Variants in RGCC observed in about 807,000 individuals in gnomAD.
RGCC encodes regulator of cell cycle.
A neutral mutation model predicts 15.4 loss-of-function variants in RGCC; 15 were observed. The observed-to-expected ratio is 0.97, with a 90% CI of 0.65 to 1.50. The LOEUF is 1.50. Ranked by LOEUF, RGCC falls within the 40% of genes most tolerant of loss-of-function variation. The probability of loss-of-function intolerance (pLI) is 0.00; values close to 1 mark genes in which losing one functional copy is unlikely to be tolerated. For synonymous variants in RGCC, 81 were observed against 78.0 expected (o/e 1.04, Z -0.20); for missense variants, 176 against 189.7 (o/e 0.93, Z 0.42).
Position 41,458,111 on chromosome 13 carries a change from C to T in RGCC, c.50-174C>T, listed in dbSNP as rs1387408114. ...GTAAAACGGACTTGGTAATAGAACG[C>T]ACTTCGGGGGTGGTGGAGAAGATTA... On this transcript the variant is annotated intron_variant, in intron 1 of 4. Coordinates refer to ENST00000379359, the MANE Select transcript of RGCC (RefSeq NM_014059.3). This position sits in a 1 kb window ranked among gnomAD's most constrained non-coding sequence, Gnocchi z 4.4. Among the ~76,000 whole-genome samples, 1 of 152,238 alleles carries T rather than the reference C, an allele frequency of 6.6e-6. No individual in the cohort carries two copies. The highest frequency in any genetic ancestry group is 1.5e-5 in the Non-Finnish European group (1 of 68,044).
chr13:41,466,975 T>C (rs1398844756), intron 3 of RGCC, 45 bp downstream of exon 3: 1 of 1,182,414 alleles, frequency 8.5e-7, no homozygotes, highest in Non-Finnish European at 1.3e-6. Flanking sequence ...TTTTTATTCC[T>C]CTCTCCTTCT....
At position 41,457,955 on chromosome 13, in the gene RGCC, C is replaced by A. The variant is rs888336191; in HGVS notation, c.49+199C>A. Among the ~76,000 whole-genome samples, 2 of 151,700 alleles carry A rather than the reference C, an allele frequency of 1.3e-5. No homozygotes were observed. Among genetic ancestry groups the A allele is most frequent in the African/African-American group, 4.8e-5 (2 of 41,334 alleles). ...CCCCCATGTCCCACCTTCCCTCCAC[C>A]ACCAGCTCCGCGCGCGCCCGGGGTT... On this transcript the variant is annotated intron_variant, in intron 1 of 4. Coordinates refer to ENST00000379359, the MANE Select transcript of RGCC (RefSeq NM_014059.3). The surrounding 1 kb of genome is among the most constrained non-coding windows in gnomAD (Gnocchi z 4.9).
Position 41,458,471 on chromosome 13 carries a change from G to GT in RGCC, c.235+2dup. 1 of 1,594,478 alleles carries GT rather than the reference G, an allele frequency of 6.3e-7. No homozygotes were observed. The highest frequency in any genetic ancestry group is 8.5e-7 in the Non-Finnish European group (1 of 1,175,770). ...AGCAGCGGCTTCAGCGACTCGGAGA[G>GT]TAAGTGCGGCCCCCGCTAGGATGGC... On this transcript the variant is annotated splice_donor_variant, in intron 2 of 4. Coordinates refer to ENST00000379359, the MANE Select transcript of RGCC (RefSeq NM_014059.3). LOFTEE classifies it high-confidence loss of function. The surrounding 1 kb of genome is among the most constrained non-coding windows in gnomAD (Gnocchi z 4.4).
intron 3 of RGCC, among the ~76,000 whole-genome samples, chr13:41,467,835 T>C (rs963597785): frequency 2.0e-5 from 3 of 152,108 alleles, no homozygotes; most frequent in African/African-American, 7.2e-5. Flanking sequence ...GTCTAAAAAG[T>C]GGCTTAAAAC....
Position 41,457,732 on chromosome 13 carries a change from A to G in RGCC, c.25A>G (p.Ser9Gly). 1 of 1,416,210 alleles carries G rather than the reference A, an allele frequency of 7.1e-7. No homozygotes were observed. The highest frequency in any genetic ancestry group is 9.2e-7 in the Non-Finnish European group (1 of 1,090,230). The allele number at this position is 1,416,210 out of a possible 1,614,324, so 87.7% of individuals were successfully genotyped here. ...CATGAAGCCGCCCGCGGCGCAGGGC[A>G]GCCCCGCGGCCGCCGCGGCCGCAGG... MKPPAAQG[S>G]PAAAAAAAPA... The change falls in exon 1 of 5, where the codon AGC becomes GGC. Residue 9 changes from serine (S) to glycine (G), a missense_variant. Transcript: ENST00000379359. This position sits in a 1 kb window ranked among gnomAD's most constrained non-coding sequence, Gnocchi z 4.9.
In RGCC at chr13:41,458,328, G is replaced by A; in HGVS notation, c.93G>A (p.Ala31=). The change falls in exon 2 of 5, where the codon GCG becomes GCA. Residue 31 remains alanine (A), a synonymous_variant. Transcript: ENST00000379359. This position sits in a 1 kb window ranked among gnomAD's most constrained non-coding sequence, Gnocchi z 4.4. The stretch of plus-strand genomic sequence containing the variant: ...CGGCCGCGGAGGACCTGTCGGACGC[G>A]CTGTGCGAGTTTGACGCGGTGCTGG... ...DSAAAEDLSD[A]LCEFDAVLAD... The A allele has an allele frequency of 6.3e-7, 1 of 1,586,748 alleles. No homozygotes were observed.
Position 41,470,734 on chromosome 13 carries a change from T to A in RGCC, c.*249T>A, listed in dbSNP as rs2043871994. 7.3e-6 allele frequency: 3 copies of A among 408,768 alleles called. No individual in the cohort carries two copies. The Admixed American group carries it at 1.3e-4, about 18-fold the overall frequency. The allele number at this position is 408,768 out of a possible 1,614,324, so 25.3% of individuals were successfully genotyped here. On this transcript the variant is annotated 3_prime_UTR_variant, in exon 5 of 5. Transcript: ENST00000379359. ...ACAGACGATCCATGCTAATATTGTA[T>A]TTTCTCTTAAAACATAGCTTTCCTG...
chr13:41,458,474 AGTGC>A lies in RGCC; in HGVS notation c.235+6_235+9del. The A allele has an allele frequency of 1.3e-6, 2 of 1,593,630 alleles. No individual in the cohort carries two copies. Among genetic ancestry groups the A allele is most frequent in the Non-Finnish European group, 1.7e-6 (2 of 1,175,354 alleles). On this transcript the variant is annotated splice_donor_5th_base_variant and intron_variant, in intron 2 of 4. Transcript: ENST00000379359. This position sits in a 1 kb window ranked among gnomAD's most constrained non-coding sequence, Gnocchi z 4.4. The stretch of plus-strand genomic sequence containing the variant: ...AGCGGCTTCAGCGACTCGGAGAGTA[AGTGC>A]GGCCCCCGCTAGGATGGCGCCGGGA...
intron 4 of RGCC, among the ~76,000 whole-genome samples, chr13:41,469,295 T>TAAGAAGAAGAAGAAGAAGAAG (rs370476569): frequency 1.6e-4 from 14 of 86,726 alleles, no homozygotes; most frequent in African/African-American, 5.2e-4. Context: ...ATAATAATAA[T>TAAGAAGAAGAAGAAGAAGAAG]AAGAAGAAGA....
chr13:41,470,371 C>T (rs1439055739), intron 4 of RGCC, 107 bp from the exon 5 acceptor site: 9 of 1,125,892 alleles, frequency 8.0e-6, no homozygotes, highest in African/African-American at 3.1e-5. Flanking sequence ...GTGGGAAGCC[C>T]AGCATTGAGT....
intron 3 of RGCC, among the ~76,000 whole-genome samples, chr13:41,468,159 G>A (rs1424093971): frequency 1.3e-5 from 2 of 152,196 alleles, no homozygotes; most frequent in East Asian, 3.9e-4. Flanking sequence ...GAAGACTCAT[G>A]GCACCTTCCC....
rs1365814792 is a variant in RGCC, at chr13:41,458,008, G to T, written c.49+252G>T. Among the ~76,000 whole-genome samples the T allele has an allele frequency of 6.6e-6, 1 of 152,198 alleles. No homozygotes were observed. Among genetic ancestry groups the T allele is most frequent in the Non-Finnish European group, 1.5e-5 (1 of 68,022 alleles). ...GGGGAGCGGCGGGGACAGGTAACCG[G>T]CAGCGCCTGGGGAGGAATCTGGCCG... On this transcript the variant is annotated intron_variant, in intron 1 of 4. Coordinates refer to ENST00000379359, the MANE Select transcript of RGCC (RefSeq NM_014059.3). The surrounding 1 kb of genome is among the most constrained non-coding windows in gnomAD (Gnocchi z 4.4).
intron 4 of RGCC, 81 bp from the exon 5 acceptor site, chr13:41,470,397 A>C (rs1469523374): frequency 1.4e-6 from 2 of 1,406,170 alleles, no homozygotes; most frequent in Admixed American, 3.4e-5. Context: ...GCTTTGATGC[A>C]CGTCTGAGAC....
At chr13:41,463,577 A>G (rs1169187685) in intron 2 of RGCC, among the ~76,000 whole-genome samples, 3 of 151,808 alleles carry the variant, frequency 2.0e-5, no homozygotes, top group Admixed American at 2.0e-4. Context: ...GTGTGTTTCT[A>G]TATAAATAGA....
At chr13:41,462,959 GCT>G (rs1054608958) in intron 2 of RGCC, among the ~76,000 whole-genome samples, 2 of 152,294 alleles carry the variant, frequency 1.3e-5, no homozygotes, top group African/African-American at 2.4e-5. Context: ...GAATGTTGCT[GCT>G]CTCTCTCAAG....
At chr13:41,460,848 T>C (rs1396857108) in intron 2 of RGCC, among the ~76,000 whole-genome samples, 3 of 152,264 alleles carry the variant, frequency 2.0e-5, no homozygotes, top group Admixed American at 6.5e-5. Flanking sequence ...TGGATGAATA[T>C]GTAAACCAAT....
intron 3 of RGCC, among the ~76,000 whole-genome samples, chr13:41,467,206 G>A (rs1271995997): frequency 6.6e-6 from 1 of 152,228 alleles, no homozygotes; most frequent in African/African-American, 2.4e-5. Flanking sequence ...CTCATGTGAT[G>A]TAATCAAGAC....
chr13:41,457,857 A>C lies in RGCC; in HGVS notation c.49+101A>C, dbSNP rs1039175126. ...GTCCCTTCACACCCCCCACCCTTCC[A>C]TCCTCCCCGGCGGGAACCTGTCCCC... is the stretch of plus-strand genomic sequence containing the variant. On this transcript the variant is annotated intron_variant, in intron 1 of 4. Transcript: ENST00000379359. The surrounding 1 kb of genome is among the most constrained non-coding windows in gnomAD (Gnocchi z 4.9). 1.9e-5 allele frequency: 25 copies of C among 1,323,548 alleles called. No homozygotes were observed. In the African/African-American group the frequency reaches 3.8e-4, roughly 20 times the overall value. The allele number at this position is 1,323,548 out of a possible 1,614,324, so 82.0% of individuals were successfully genotyped here.
chr13:41,463,442 C>T (rs1038059388), intron 2 of RGCC, among the ~76,000 whole-genome samples: 19 of 116,362 alleles, frequency 1.6e-4, no homozygotes, highest in South Asian at 1.2e-3. Context: ...GGTGTGGCAA[C>T]GAGCTGGGGC....
Sources: allele counts gnomAD v4.1 joint callset (sites outside exome capture counted in the v4.1 genomes callset), GRCh38; gene constraint gnomAD v4.1.1; non-coding constraint Gnocchi (gnomAD v3.1); transcripts MANE v1.5; gene names NCBI Gene and HGNC (gene_info 2026-07-23, HGNC 2026-07-21).